The following KIF26B variants were observed in gnomAD, a reference collection of about 807,000 sequenced individuals.
KIF26B encodes the protein kinesin family member 26B.
KIF26B carries 63 observed loss-of-function variants against 151.2 expected under a neutral mutation model. The ratio of observed to expected loss-of-function variants is 0.42; its 90% CI spans 0.34 to 0.51. The LOEUF is 0.51. KIF26B is among the 20% of genes least tolerant of loss of function. The pLI is 0.07. For synonymous variants in KIF26B, 1,357 were observed against 1,262.1 expected, an observed-to-expected ratio of 1.08 and a Z score of -1.59; for missense variants, 2,813 against 2,913.6, an observed-to-expected ratio of 0.97 and a Z score of 0.79.
chr1:245,195,491 G>A lies in KIF26B; in HGVS notation c.465+38808G>A, dbSNP rs140609575. On this transcript the variant is annotated intron_variant, in intron 2 of 14. Transcript: ENST00000407071. Reference sequence around the variant, plus strand: ...ACATTGCTTGAATTCCTTGGGAGACGTGGGTCACATAAACAGGAGCCTGTG... The same window carrying A: ...ACATTGCTTGAATTCCTTGGGAGACATGGGTCACATAAACAGGAGCCTGTG... 2.8e-4 allele frequency among the ~76,000 whole-genome samples: 43 copies of A among 152,302 alleles called. No homozygotes were observed. The South Asian group carries it at 6.4e-3, about 23-fold the overall frequency.
Position 245,538,241 on chromosome 1 carries a change from G to A in KIF26B, c.1167-2526G>A, listed in dbSNP as rs183958701. Among the ~76,000 whole-genome samples, 29 of 152,304 alleles carry A rather than the reference G, an allele frequency of 1.9e-4. No homozygotes were observed. The East Asian group carries it at 5.4e-3, about 28-fold the overall frequency. On this transcript the variant is annotated intron_variant, in intron 4 of 14. Coordinates refer to ENST00000407071, the MANE Select transcript of KIF26B (RefSeq NM_018012.4). The stretch of plus-strand genomic sequence containing the variant: ...TGAATGGAATGAGCTTATAGATAAT[G>A]GAAGGAGAGGGCCTGCAGAAGGCCA...
At chr1:245,248,770 A>G (rs1670385086) in intron 2 of KIF26B, among the ~76,000 whole-genome samples, 1 of 152,220 alleles carries the variant, frequency 6.6e-6, no homozygotes. Context: ...GATGTTTGCC[A>G]ATATCTCTGA....
intron 2 of KIF26B, among the ~76,000 whole-genome samples, chr1:245,302,824 A>G (rs1671450515): frequency 6.6e-6 from 1 of 151,922 alleles, no homozygotes; most frequent in Non-Finnish European, 1.5e-5. Context: ...CCCTGTCTCT[A>G]CTAAAAATAC....
chr1:245,261,753 T>G (rs1670650030), intron 2 of KIF26B, among the ~76,000 whole-genome samples: 1 of 151,518 alleles, frequency 6.6e-6, no homozygotes, highest in Non-Finnish European at 1.5e-5. Context: ...CTGGCTAGTT[T>G]TTGTATTTTT....
rs112330671 is a variant in KIF26B at position 245,592,094 on chromosome 1, C to T, written c.1351-10483C>T. ...ATCTCATTACCGGGCTCCATTCTCCCGTCCTGCACATGCTCCCTCACACTT... is the reference window on the plus strand; with the variant it reads ...ATCTCATTACCGGGCTCCATTCTCCTGTCCTGCACATGCTCCCTCACACTT... On this transcript the variant is annotated intron_variant, in intron 5 of 14. Coordinates refer to ENST00000407071, the MANE Select transcript of KIF26B (RefSeq NM_018012.4). Among the ~76,000 whole-genome samples the T allele has an allele frequency of 3.9e-5, 6 of 152,234 alleles. No homozygotes were observed. In the South Asian group the frequency reaches 6.2e-4, roughly 16 times the overall value.
chr1:245,676,868 C>A (rs1005516406), intron 10 of KIF26B, among the ~76,000 whole-genome samples: 1 of 152,168 alleles, frequency 6.6e-6, no homozygotes, highest in South Asian at 2.1e-4. Flanking sequence ...GCAGGCCCCA[C>A]GGGGAACCAT....
intron 9 of KIF26B, among the ~76,000 whole-genome samples, chr1:245,640,930 T>A (rs4558012): frequency 0.019 from 2,926 of 152,230 alleles, 86 homozygotes; most frequent in African/African-American, 0.066. Context: ...CTTAATAAAA[T>A]TTTAAATGGT....
chr1:245,371,092 G>A (rs1359992636), intron 3 of KIF26B, among the ~76,000 whole-genome samples: 3 of 152,172 alleles, frequency 2.0e-5, no homozygotes, highest in African/African-American at 7.2e-5. Context: ...GTCATCCTGG[G>A]TATGTTCTGT....
At chr1:245,415,320 G>A (rs1674390866) in intron 3 of KIF26B, among the ~76,000 whole-genome samples, 2 of 152,098 alleles carry the variant, frequency 1.3e-5, no homozygotes, top group South Asian at 2.1e-4. Context: ...TCATGTAGTA[G>A]GTCATTATTT....
intron 3 of KIF26B, among the ~76,000 whole-genome samples, chr1:245,372,515 C>A (rs148653853): frequency 6.6e-6 from 1 of 152,164 alleles, no homozygotes; most frequent in Non-Finnish European, 1.5e-5. Context: ...CCTCACCCTC[C>A]TCCCACCCTC....
At chr1:245,276,374 A>G (rs1478518682) in intron 2 of KIF26B, among the ~76,000 whole-genome samples, 6 of 152,052 alleles carry the variant, frequency 3.9e-5, no homozygotes, top group African/African-American at 1.4e-4. Context: ...CTTTGAATAC[A>G]TGCTCCAACT....
chr1:245,172,405 G>A (rs1388242854), intron 2 of KIF26B, among the ~76,000 whole-genome samples: 1 of 152,216 alleles, frequency 6.6e-6, no homozygotes, highest in African/African-American at 2.4e-5. Flanking sequence ...AGAGGAGTTA[G>A]TGAGAGAAGA....
At chr1:245,554,192 C>T (rs1000157484) in intron 5 of KIF26B, among the ~76,000 whole-genome samples, 7 of 152,254 alleles carry the variant, frequency 4.6e-5, no homozygotes, top group African/African-American at 7.2e-5. Flanking sequence ...TTGCTGTCAC[C>T]GCTTTATGGG....
intron 2 of KIF26B, among the ~76,000 whole-genome samples, chr1:245,298,359 A>AGC (rs1415754952): frequency 6.6e-6 from 1 of 152,240 alleles, no homozygotes; most frequent in East Asian, 1.9e-4. Flanking sequence ...TACGTGCTAT[A>AGC]GCGGTAACAT....
intron 2 of KIF26B, among the ~76,000 whole-genome samples, chr1:245,237,348 T>C (rs1670129183): frequency 6.6e-6 from 1 of 152,178 alleles, no homozygotes; most frequent in African/African-American, 2.4e-5. Context: ...CTCTGTTAGC[T>C]GGTCTGCCCT....
At chr1:245,194,087 G>A (rs1051115120) in intron 2 of KIF26B, among the ~76,000 whole-genome samples, 1 of 152,170 alleles carries the variant, frequency 6.6e-6, no homozygotes, top group African/African-American at 2.4e-5. Context: ...TGGGTCATTT[G>A]ATTTCTGTAG....
intron 3 of KIF26B, among the ~76,000 whole-genome samples, chr1:245,402,851 T>C (rs1487258650): frequency 6.6e-6 from 1 of 152,188 alleles, no homozygotes; most frequent in Non-Finnish European, 1.5e-5. Flanking sequence ...TTCTAGACTT[T>C]AGAAGTATTT....
intron 2 of KIF26B, among the ~76,000 whole-genome samples, chr1:245,319,214 C>T (rs1479584462): frequency 3.3e-5 from 5 of 152,240 alleles, no homozygotes; most frequent in South Asian, 2.1e-4. Context: ...TATTTGCTCA[C>T]GCTTCTAGGA....
chr1:245,633,761 G>T (rs987415688), intron 9 of KIF26B, among the ~76,000 whole-genome samples: 1 of 151,942 alleles, frequency 6.6e-6, no homozygotes, highest in African/African-American at 2.4e-5. Flanking sequence ...TGGTTTTTAT[G>T]TACACATTTT....
Sources: gnomAD v4.1 joint callset for allele counts (sites outside exome capture counted in the v4.1 genomes callset) on GRCh38, gnomAD v4.1.1 for gene constraint, MANE v1.5 for transcripts, NCBI Gene and HGNC (gene_info 2026-07-23, HGNC 2026-07-21) for gene names.